QKI: variants seen among roughly 807,000 people sequenced by gnomAD.
QKI encodes the protein KH domain-containing RNA-binding protein QKI.
A neutral mutation model predicts 39.0 loss-of-function variants in QKI; 10 were observed. The ratio of observed to expected loss-of-function variants is 0.26; its 90% CI spans 0.16 to 0.43. The LOEUF (loss-of-function observed/expected upper bound fraction) is 0.43. QKI is among the 20% of genes least tolerant of loss of function. The pLI is 1.00. For missense variants in QKI, 218 were observed against 428.0 expected (o/e 0.51, Z 4.33); for synonymous variants, 204 against 155.4 (o/e 1.31, Z -2.33).
In QKI at chr6:163,481,874, C is replaced by T. The variant is rs898569184; in HGVS notation, c.402+2978C>T. ...GTTGAGTAATTTGCCAAAGGTCACA[C>T]GCCAAAATGTGGCAGTCAAATTTGA... On this transcript the variant is annotated intron_variant, in intron 3 of 7. Coordinates refer to ENST00000361752, the MANE Select transcript of QKI (RefSeq NM_006775.3). 3.3e-5 allele frequency among the ~76,000 whole-genome samples: 5 copies of T among 152,094 alleles called. 1 individual carries two copies. The highest frequency in any genetic ancestry group is 2.1e-4 in the South Asian group (1 of 4,832).
intron 3 of QKI, among the ~76,000 whole-genome samples, chr6:163,525,638 T>G (rs561182646): frequency 6.6e-6 from 1 of 152,312 alleles, no homozygotes; most frequent in South Asian, 2.1e-4. Flanking sequence ...GTGCTGAGAT[T>G]ACAGGCGTGA....
At position 163,576,480 on chromosome 6, in the gene QKI, A is replaced by G. The variant is rs184847997; in HGVS notation, c.*5770A>G. On this transcript the variant is annotated 3_prime_UTR_variant, in exon 8 of 8. Coordinates refer to ENST00000361752, the MANE Select transcript of QKI (RefSeq NM_006775.3). The stretch of plus-strand genomic sequence containing the variant: ...CAGGGTAAAAGTTAATTTATAACTT[A>G]AAAGTGCTATTAAGTTTTTATTACC... 1.3e-5 allele frequency: 2 copies of G among 152,212 alleles called. No homozygotes were observed. The highest frequency in any genetic ancestry group is 2.9e-5 in the Non-Finnish European group (2 of 68,046). 9.4% of individuals were successfully genotyped at this position (152,212 alleles called of 1,614,324 possible). A position where few individuals can be genotyped will look rare whatever the true frequency, so the allele number is the denominator to read the frequency against.
rs538912649 is a variant in QKI at position 163,512,987 on chromosome 6, TCA to T, written c.403-21994_403-21993del. 3.3e-5 allele frequency among the ~76,000 whole-genome samples: 5 copies of T among 152,298 alleles called. No individual in the cohort carries two copies. In the South Asian group the frequency reaches 1.0e-3, roughly 32 times the overall value. Reference sequence around the variant, plus strand: ...ATCCACAGTTTTGCTTTTCATGGTTTCAGTTACCTGTGGTACAGTACAAGATG... The same window carrying T: ...ATCCACAGTTTTGCTTTTCATGGTTTGTTACCTGTGGTACAGTACAAGATG... On this transcript the variant is annotated intron_variant, in intron 3 of 7. Coordinates refer to ENST00000361752, the MANE Select transcript of QKI (RefSeq NM_006775.3).
intron 1 of QKI, among the ~76,000 whole-genome samples, chr6:163,449,574 T>C (rs1790395721): frequency 1.3e-5 from 2 of 152,246 alleles, no homozygotes; most frequent in Admixed American, 1.3e-4. Flanking sequence ...TAAAACTGTT[T>C]TGTTTTTTTA....
chr6:163,444,369 G>A (rs1222328147), intron 1 of QKI, among the ~76,000 whole-genome samples: 5 of 152,300 alleles, frequency 3.3e-5, no homozygotes, highest in Non-Finnish European at 7.4e-5. Flanking sequence ...TCATGCTGGC[G>A]AAACAGGAGT....
intron 1 of QKI, among the ~76,000 whole-genome samples, chr6:163,449,965 C>T (rs1583009362): frequency 6.6e-6 from 1 of 151,786 alleles, no homozygotes; most frequent in South Asian, 2.1e-4. Context: ...TCCAATAATT[C>T]ATATATATGT....
At chr6:163,532,936 G>A (rs1324372847) in intron 3 of QKI, among the ~76,000 whole-genome samples, 3 of 152,110 alleles carry the variant, frequency 2.0e-5, no homozygotes, top group Admixed American at 2.0e-4. Flanking sequence ...TTTGTCCTTA[G>A]TTGTCTGATG....
At chr6:163,496,157 T>C (rs796953079) in intron 3 of QKI, among the ~76,000 whole-genome samples, 23 of 152,332 alleles carry the variant, frequency 1.5e-4, no homozygotes, top group African/African-American at 5.5e-4. Flanking sequence ...CCCATTCGTT[T>C]GCTGATTTTA....
At chr6:163,566,687 T>C (rs1482136322) in intron 6 of QKI, 34 bp from the exon 7 acceptor site, 2 of 1,611,166 alleles carry the variant, frequency 1.2e-6, no homozygotes, top group Non-Finnish European at 1.7e-6. Flanking sequence ...GTGAATGTTT[T>C]CTAACTTTGT....
At chr6:163,428,101 T>C (rs987715633) in intron 1 of QKI, among the ~76,000 whole-genome samples, 1 of 152,190 alleles carries the variant, frequency 6.6e-6, no homozygotes, top group Non-Finnish European at 1.5e-5. Context: ...TGTTCTCCTT[T>C]AAATTGTAAG....
At chr6:163,517,566 C>T (rs901576659) in intron 3 of QKI, among the ~76,000 whole-genome samples, 1 of 152,210 alleles carries the variant, frequency 6.6e-6, no homozygotes, top group African/African-American at 2.4e-5. Context: ...TATAGGCGAG[C>T]ACCACCACGT....
chr6:163,561,254 G>A (rs186971170), intron 4 of QKI, among the ~76,000 whole-genome samples: 15 of 152,144 alleles, frequency 9.9e-5, no homozygotes, highest in East Asian at 5.8e-4. Flanking sequence ...ACATGTGCAC[G>A]CGCGTGTGTG....
At position 163,415,284 on chromosome 6, in the gene QKI, C is replaced by T. The variant is rs1787347046; in HGVS notation, c.91C>T (p.Leu31=). 7.5e-6 allele frequency: 12 copies of T among 1,595,492 alleles called. No homozygotes were observed. Among genetic ancestry groups the T allele is most frequent in the Non-Finnish European group, 1.0e-5 (12 of 1,168,276 alleles). Residue 31 remains leucine, a synonymous_variant, in exon 1 of 8, where the codon CTG becomes TTG. Transcript: ENST00000361752. Reference sequence around the variant, plus strand: ...GAACGACAAGAAGCTCATGAGCAGCCTGCCCAACTTCTGCGGGATCTTCAA... The same window carrying T: ...GAACGACAAGAAGCTCATGAGCAGCTTGCCCAACTTCTGCGGGATCTTCAA... ...LMNDKKLMSS[L]PNFCGIFNHL...
At chr6:163,453,240 C>T (rs1324047251) in intron 1 of QKI, among the ~76,000 whole-genome samples, 5 of 151,670 alleles carry the variant, frequency 3.3e-5, no homozygotes, top group Non-Finnish European at 7.4e-5. Flanking sequence ...ATAAATTCTA[C>T]TATATCTTAG....
chr6:163,548,247 A>G (rs4709722), intron 4 of QKI, among the ~76,000 whole-genome samples: 64,156 of 152,072 alleles, frequency 0.42, 16,800 homozygotes, highest in East Asian at 0.71. Context: ...TCATCTTAGT[A>G]TCTCTCCCTC....
intron 4 of QKI, among the ~76,000 whole-genome samples, chr6:163,547,336 T>C (rs1781947070): frequency 1.3e-5 from 2 of 152,150 alleles, no homozygotes; most frequent in Admixed American, 1.3e-4. Flanking sequence ...TAGAACAAAA[T>C]TACTGTGTTC....
chr6:163,436,102 A>G (rs1789248782), intron 1 of QKI, among the ~76,000 whole-genome samples: 1 of 152,180 alleles, frequency 6.6e-6, no homozygotes, highest in African/African-American at 2.4e-5. Context: ...ACAGATAGCT[A>G]ATGTCCAAGT....
At chr6:163,513,564 T>C (rs1366264335) in intron 3 of QKI, among the ~76,000 whole-genome samples, 1 of 152,198 alleles carries the variant, frequency 6.6e-6, no homozygotes, top group East Asian at 1.9e-4. Context: ...CTAAGACTTT[T>C]TCGCAGAGTT....
intron 2 of QKI, among the ~76,000 whole-genome samples, chr6:163,476,871 C>T (rs1339520096): frequency 6.6e-6 from 1 of 152,172 alleles, no homozygotes; most frequent in Admixed American, 6.5e-5. Flanking sequence ...AAACTTTTTA[C>T]TGGACCTTGT....
Sources: gnomAD v4.1 joint callset for allele counts (sites outside exome capture counted in the v4.1 genomes callset) on GRCh38, gnomAD v4.1.1 for gene constraint, MANE v1.5 for transcripts, NCBI Gene and HGNC (gene_info 2026-07-23, HGNC 2026-07-21) for gene names.